Variants in RNF139 observed in about 807,000 individuals in gnomAD.
RNF139 encodes E3 ubiquitin-protein ligase RNF139.
RNF139 carries 15 observed loss-of-function variants against 49.5 expected under a neutral mutation model. That is an observed-to-expected ratio of 0.30 (90% CI 0.20 to 0.47). The LOEUF is 0.47. Ranked by LOEUF, RNF139 falls within the 20% of genes least tolerant of loss-of-function variation. RNF139 has a pLI of 1.00. For synonymous variants in RNF139, 325 were observed against 300.9 expected (o/e 1.08, Z -0.83); for missense variants, 619 against 806.3 (o/e 0.77, Z 2.81).
rs1816600161 is a variant in RNF139 at position 124,488,513 on chromosome 8, G to C, written c.*869G>C. ...ATAGTATTTCTTTAGACAACTTGCAGATAATTTCTTTATTGAAACTATCAG... is the reference window on the plus strand; with the variant it reads ...ATAGTATTTCTTTAGACAACTTGCACATAATTTCTTTATTGAAACTATCAG... On this transcript the variant is annotated 3_prime_UTR_variant, in exon 2 of 2. Coordinates refer to ENST00000303545, the MANE Select transcript of RNF139 (RefSeq NM_007218.4). 2.8e-6 allele frequency: 2 copies of C among 716,262 alleles called. No homozygotes were observed. Among genetic ancestry groups the C allele is most frequent in the Non-Finnish European group, 4.8e-6 (2 of 415,228 alleles). The allele number at this position is 716,262 out of a possible 1,614,324, so 44.4% of individuals were successfully genotyped here.
intron 1 of RNF139, chr8:124,483,316 TA>T (rs1437066369): frequency 6.6e-6 from 1 of 150,918 alleles, no homozygotes; most frequent in African/African-American, 2.4e-5. Flanking sequence ...AGTCATCACT[TA>T]AATGAACTAG....
At chr8:124,479,910 A>G (rs929837666) in intron 1 of RNF139, among the ~76,000 whole-genome samples, 7 of 152,168 alleles carry the variant, frequency 4.6e-5, no homozygotes, top group East Asian at 1.9e-4. Flanking sequence ...CCTTATGTCA[A>G]TATATAGACA....
Position 124,486,143 on chromosome 8 carries a change from G to A in RNF139, c.494G>A (p.Gly165Asp), listed in dbSNP as rs1816524186. The part of the protein sequence containing the change: ...IILDLLVPVI[G>D]LITELPLHIR... ...TTGGATCTCTTGGTTCCTGTAATAGGCTTAATCACAGAGCTACCATTACAC... is the reference window on the plus strand; with the variant it reads ...TTGGATCTCTTGGTTCCTGTAATAGACTTAATCACAGAGCTACCATTACAC... The change falls in exon 2 of 2, where the codon GGC becomes GAC. Residue 165 changes from glycine to aspartate, a missense_variant. This residue lies in a region of RNF139 where 530 missense variants were observed against 728.9 expected (regional missense o/e 0.73). Transcript: ENST00000303545. The A allele has an allele frequency of 6.2e-7, 1 of 1,613,918 alleles. No individual in the cohort carries two copies. Among genetic ancestry groups the A allele is most frequent in the Admixed American group, 1.7e-5 (1 of 60,004 alleles).
intron 1 of RNF139, among the ~76,000 whole-genome samples, chr8:124,477,866 A>T (rs1816338787): frequency 6.6e-6 from 1 of 152,216 alleles, no homozygotes; most frequent in African/African-American, 2.4e-5. Context: ...AAAGGCTTTA[A>T]ACATAACAGA....
At chr8:124,480,692 AG>A (rs1198624586) in intron 1 of RNF139, among the ~76,000 whole-genome samples, 2 of 152,146 alleles carry the variant, frequency 1.3e-5, no homozygotes, top group East Asian at 3.9e-4. Flanking sequence ...TATGGACTCA[AG>A]TTTCAGCTTC....
intron 1 of RNF139, among the ~76,000 whole-genome samples, chr8:124,477,657 T>A (rs1271839385): frequency 6.6e-6 from 1 of 152,188 alleles, no homozygotes; most frequent in Non-Finnish European, 1.5e-5. Context: ...ATTTTGGAGA[T>A]CCAAATAAAA....
chr8:124,479,583 T>G (rs1005300339), intron 1 of RNF139, among the ~76,000 whole-genome samples: 1 of 152,172 alleles, frequency 6.6e-6, no homozygotes, highest in East Asian at 1.9e-4. Flanking sequence ...GGAGCTCTCC[T>G]GTGCACTGTA....
chr8:124,487,788 GA>G lies in RNF139; in HGVS notation c.*145del. On this transcript the variant is annotated 3_prime_UTR_variant, in exon 2 of 2. Transcript: ENST00000303545. ...CTGTGAATGGTTTTCCGTTTACTGT[GA>G]TGTGCTACTGTAAATATACCTCTTT... The G allele has an allele frequency of 1.4e-6, 1 of 737,684 alleles. No homozygotes were observed. Among genetic ancestry groups the G allele is most frequent in the African/African-American group, 1.8e-5 (1 of 56,536 alleles). The allele number at this position is 737,684 out of a possible 1,614,324, so 45.7% of individuals were successfully genotyped here. A position where few individuals can be genotyped will look rare whatever the true frequency, so the allele number is the denominator to read the frequency against.
intron 1 of RNF139, among the ~76,000 whole-genome samples, chr8:124,477,695 G>T (rs1040665222): frequency 8.5e-5 from 13 of 152,118 alleles, no homozygotes; most frequent in African/African-American, 3.1e-4. Context: ...GAATATTGAA[G>T]AACATAAAGC....
At chr8:124,475,702 A>G (rs1816302657) in intron 1 of RNF139, among the ~76,000 whole-genome samples, 1 of 152,156 alleles carries the variant, frequency 6.6e-6, no homozygotes, top group South Asian at 2.1e-4. Context: ...TTATTACCAA[A>G]TGCCGAGTAC....
rs535790757 is a variant in RNF139, at chr8:124,480,572, C to T, written c.182-5259C>T. On this transcript the variant is annotated intron_variant, in intron 1 of 1. Coordinates refer to ENST00000303545, the MANE Select transcript of RNF139 (RefSeq NM_007218.4). ...AAGAAGGAGAGAAGAGGAGAAGGGG[C>T]GTGGAGCTTCAGTGTTCAGCTATCT... 1.4e-4 allele frequency among the ~76,000 whole-genome samples: 21 copies of T among 152,146 alleles called. No individual in the cohort carries two copies. The South Asian group carries it at 3.9e-3, about 29-fold the overall frequency.
Position 124,487,752 on chromosome 8 carries a change from C to G in RNF139, c.*108C>G. ...GTGTAACCAAGCACAAAAACAGTATCAATGTTGAATCTGTGAATGGTTTTC... is the reference window on the plus strand; with the variant it reads ...GTGTAACCAAGCACAAAAACAGTATGAATGTTGAATCTGTGAATGGTTTTC... On this transcript the variant is annotated 3_prime_UTR_variant, in exon 2 of 2. Transcript: ENST00000303545. 1.9e-6 allele frequency: 2 copies of G among 1,080,888 alleles called. No homozygotes were observed. The highest frequency in any genetic ancestry group is 2.6e-6 in the Non-Finnish European group (2 of 766,874). 67.0% of individuals were successfully genotyped at this position (1,080,888 alleles called of 1,614,324 possible).
At chr8:124,485,242 T>TA (rs1816509015) in intron 1 of RNF139, among the ~76,000 whole-genome samples, 3 of 152,158 alleles carry the variant, frequency 2.0e-5, no homozygotes, top group African/African-American at 7.2e-5. Flanking sequence ...CAGGTGCCTG[T>TA]AATCCCAGTT....
chr8:124,477,561 C>T (rs1382270184), intron 1 of RNF139, among the ~76,000 whole-genome samples: 1 of 152,192 alleles, frequency 6.6e-6, no homozygotes, highest in Non-Finnish European at 1.5e-5. Flanking sequence ...TTACTCCCCT[C>T]TACCTACAAA....
At chr8:124,484,904 G>A (rs1182550078) in intron 1 of RNF139, among the ~76,000 whole-genome samples, 1 of 152,098 alleles carries the variant, frequency 6.6e-6, no homozygotes, top group South Asian at 2.1e-4. Context: ...TTCTAAGTCC[G>A]AAGGAAACTA....
chr8:124,481,050 A>G (rs1816399258), intron 1 of RNF139, among the ~76,000 whole-genome samples: 1 of 152,190 alleles, frequency 6.6e-6, no homozygotes, highest in East Asian at 1.9e-4. Context: ...CATACTTATT[A>G]TAAGTTTAGT....
In RNF139 at chr8:124,475,095, G is replaced by C; in HGVS notation, c.-15G>C. 1 of 1,556,812 alleles carries C rather than the reference G, an allele frequency of 6.4e-7. No homozygotes were observed. Among genetic ancestry groups the C allele is most frequent in the Non-Finnish European group, 8.7e-7 (1 of 1,155,310 alleles). On this transcript the variant is annotated 5_prime_UTR_variant, in exon 1 of 2. Transcript: ENST00000303545. ...GCCCTGCCCGGCCCACCGAGCCCTG[G>C]TGTGGCAGCGGCTCATGGCGGCCGT...
In RNF139 at chr8:124,488,455, AGG is replaced by A. The variant is rs1816596186; in HGVS notation, c.*814_*815del. On this transcript the variant is annotated 3_prime_UTR_variant, in exon 2 of 2. Coordinates refer to ENST00000303545, the MANE Select transcript of RNF139 (RefSeq NM_007218.4). The stretch of plus-strand genomic sequence containing the variant: ...CTGATCTGATTTTACGAGAAAAAGA[AGG>A]GGAATGGTGGGGAATGGTGTGTACC... 4 of 483,758 alleles carry A rather than the reference AGG, an allele frequency of 8.3e-6. No individual in the cohort carries two copies. Among genetic ancestry groups the A allele is most frequent in the African/African-American group, 2.0e-5 (1 of 49,024 alleles). The allele number at this position is 483,758 out of a possible 1,614,324, so 30.0% of individuals were successfully genotyped here.
intron 1 of RNF139, among the ~76,000 whole-genome samples, 193 bp from the exon 2 acceptor site, chr8:124,485,638 T>C (rs565488383): frequency 9.8e-5 from 15 of 152,344 alleles, no homozygotes; most frequent in Admixed American, 9.8e-4. Context: ...TAATTTAGTA[T>C]GTTTGGTCTG....
Sources: gnomAD v4.1 joint callset for allele counts (sites outside exome capture counted in the v4.1 genomes callset) on GRCh38, gnomAD v4.1.1 for gene constraint, gnomAD v4.1.1 regional missense constraint, MANE v1.5 for transcripts, NCBI Gene and HGNC (gene_info 2026-07-23, HGNC 2026-07-21) for gene names.